MAP4K4: variants seen among roughly 807,000 people sequenced by gnomAD.
MAP4K4 encodes the protein HPK/GCK-like kinase HGK.
Under a neutral mutation model 189.6 loss-of-function variants are expected in MAP4K4, and 38 were observed. The observed-to-expected ratio is 0.20, with a 90% CI of 0.15 to 0.26. The LOEUF (loss-of-function observed/expected upper bound fraction) is 0.26. Among genes scored for constraint, MAP4K4 ranks in the 10% least tolerant of loss-of-function variants. The probability of loss-of-function intolerance (pLI) is 1.00; values close to 1 mark genes in which losing one functional copy is unlikely to be tolerated. For missense variants in MAP4K4, 1,054 were observed against 1,726.9 expected, an observed-to-expected ratio of 0.61 and a Z score of 6.91; for synonymous variants, 610 against 624.3, an observed-to-expected ratio of 0.98 and a Z score of 0.34.
intron 15 of MAP4K4, 91 bp downstream of exon 15, chr2:101,859,955 A>T: frequency 3.1e-6 from 4 of 1,277,804 alleles, no homozygotes; most frequent in Non-Finnish European, 4.4e-6. Context: ...AGAACGGGCC[A>T]TAGAGTTTAG....
chr2:101,845,149 A>G (rs2149604497), intron 12 of MAP4K4, among the ~76,000 whole-genome samples: 1 of 151,470 alleles, frequency 6.6e-6, no homozygotes, highest in Middle Eastern at 3.4e-3. Context: ...CTGTCAGAAA[A>G]TAAATTTTTA....
At chr2:101,753,642 A>G (rs944982089) in intron 2 of MAP4K4, among the ~76,000 whole-genome samples, 1 of 150,994 alleles carries the variant, frequency 6.6e-6, no homozygotes, top group Non-Finnish European at 1.5e-5. Context: ...CCTTTCAGAC[A>G]TTTTTGTCCG....
At chr2:101,885,127 T>A (rs72991249) in intron 28 of MAP4K4, 60 bp from the exon 29 acceptor site, 1 of 826,058 alleles carries the variant, frequency 1.2e-6, no homozygotes, top group Non-Finnish European at 1.9e-6. Flanking sequence ...TAAAACAGTT[T>A]AGAGGGCTAT....
At position 101,763,616 on chromosome 2, in the gene MAP4K4, A is replaced by G. The variant is rs552735210; in HGVS notation, c.124-27104A>G. 3.2e-4 allele frequency among the ~76,000 whole-genome samples: 48 copies of G among 152,218 alleles called. 1 individual carries two copies. The highest frequency in any genetic ancestry group is 1.2e-3 in the Admixed American group (18 of 15,290). Reference sequence around the variant, plus strand: ...AGCAAAAGGAAGTGTGAGTGAAGCAACAATTTCCAGAAGGTTTTAAATATG... The same window carrying G: ...AGCAAAAGGAAGTGTGAGTGAAGCAGCAATTTCCAGAAGGTTTTAAATATG... On this transcript the variant is annotated intron_variant, in intron 2 of 32. Coordinates refer to ENST00000324219, the Ensembl canonical transcript of MAP4K4.
intron 2 of MAP4K4, among the ~76,000 whole-genome samples, chr2:101,711,519 T>C (rs1431853473): frequency 1.3e-5 from 2 of 152,178 alleles, no homozygotes; most frequent in Non-Finnish European, 2.9e-5. Context: ...CCTCCCAAAG[T>C]GCTGGGATTA....
At chr2:101,864,951 C>T (rs1315825866) in exon 18 of MAP4K4, 9 of 1,574,988 alleles carry the variant, frequency 5.7e-6, no homozygotes, top group South Asian at 2.3e-5. Flanking sequence ...AACAACATCT[C>T]GCTCCCCTGT....
chr2:101,859,845 CT>C lies in MAP4K4; in HGVS notation c.1686del (p.Ala563LeufsTer140). The stretch of plus-strand genomic sequence containing the variant: ...CCCGAGCCCAAAGCCCACTACGAGC[CT>C]GCTGACCGAGCGCGAGAGGTATCCT... On this transcript the variant is annotated frameshift_variant, in exon 15 of 33. Transcript: ENST00000324219. LOFTEE classifies it high-confidence loss of function. 1 of 1,607,362 alleles carries C rather than the reference CT, an allele frequency of 6.2e-7. No homozygotes were observed. Among genetic ancestry groups the C allele is most frequent in the South Asian group, 1.1e-5 (1 of 89,400 alleles).
chr2:101,703,742 G>C (rs549302866), intron 2 of MAP4K4, among the ~76,000 whole-genome samples: 1 of 151,912 alleles, frequency 6.6e-6, no homozygotes, highest in Non-Finnish European at 1.5e-5. Context: ...GGCCGGGCAC[G>C]GTGGCTCACA....
Position 101,871,463 on chromosome 2 carries a change from A to G in MAP4K4, c.2761-31A>G, listed in dbSNP as rs1202950153. On this transcript the variant is annotated intron_variant, in intron 23 of 32. Transcript: ENST00000324219. ...CCATAGGCAATTTTAGCAGCGCTTG[A>G]GCGAGACAAGTGTGCCTGTTTTTTC... is the stretch of plus-strand genomic sequence containing the variant. The G allele has an allele frequency of 2.0e-6, 3 of 1,506,124 alleles. No individual in the cohort carries two copies. In the East Asian group the frequency reaches 7.4e-5, roughly 37 times the overall value. The allele number at this position is 1,506,124 out of a possible 1,614,324, so 93.3% of individuals were successfully genotyped here. A position where few individuals can be genotyped will look rare whatever the true frequency, so the allele number is the denominator to read the frequency against.
intron 2 of MAP4K4, among the ~76,000 whole-genome samples, chr2:101,746,669 A>T (rs2065751634): frequency 6.6e-6 from 1 of 152,200 alleles, no homozygotes; most frequent in African/African-American, 2.4e-5. Context: ...TATTGATTTA[A>T]GGAGATTTTA....
chr2:101,888,373 G>A (rs2098518043), intron 31 of MAP4K4, among the ~76,000 whole-genome samples: 1 of 152,138 alleles, frequency 6.6e-6, no homozygotes, highest in Non-Finnish European at 1.5e-5. Context: ...TTTGCATTCA[G>A]TAATAAAGAC....
exon 3 of MAP4K4, chr2:101,790,766 A>G (rs1471305706): frequency 6.2e-7 from 1 of 1,609,742 alleles, no homozygotes. Flanking sequence ...AAAGTTATGG[A>G]TGTCACTGAG....
chr2:101,802,946 C>G (rs1045542151), intron 3 of MAP4K4, among the ~76,000 whole-genome samples: 2 of 152,002 alleles, frequency 1.3e-5, no homozygotes, highest in African/African-American at 4.8e-5. Flanking sequence ...CCACCATGCC[C>G]AGCTAATTTT....
Position 101,859,752 on chromosome 2 carries a change from C to T in MAP4K4, c.1592C>T (p.Pro531Leu), listed in dbSNP as rs978627982. 167 of 1,611,172 alleles carry T rather than the reference C, an allele frequency of 1.0e-4. No individual in the cohort carries two copies. The highest frequency in any genetic ancestry group is 1.3e-4 in the Non-Finnish European group (153 of 1,178,966). The change falls in exon 15 of 33, where the codon CCG becomes CTG. Residue 531 changes from proline (P) to leucine (L), a missense_variant. Physicochemically the swap from Pro to Leu is moderately conservative, Grantham distance 98. Transcript: ENST00000324219. ...TCTCTACAGCATGACCATAGGAGGCCGCACCCGCAGCACTCGCAGCAGCCG... is the reference window on the plus strand; with the variant it reads ...TCTCTACAGCATGACCATAGGAGGCTGCACCCGCAGCACTCGCAGCAGCCG...
intron 3 of MAP4K4, among the ~76,000 whole-genome samples, chr2:101,793,676 AAAG>A (rs1454087356): frequency 6.6e-6 from 1 of 151,454 alleles, no homozygotes; most frequent in Non-Finnish European, 1.5e-5. Context: ...TCTTTAGGTG[AAAG>A]TGAGAGGCAG....
chr2:101,789,335 T>C (rs2092421518), intron 2 of MAP4K4, among the ~76,000 whole-genome samples: 1 of 152,184 alleles, frequency 6.6e-6, no homozygotes, highest in Admixed American at 6.5e-5. Context: ...ATAGGAGCTA[T>C]CATTAATTTA....
chr2:101,788,451 G>T (rs1048368081), intron 2 of MAP4K4, among the ~76,000 whole-genome samples: 3 of 152,216 alleles, frequency 2.0e-5, no homozygotes, highest in Admixed American at 2.0e-4. Context: ...TAGAGTGATG[G>T]GGTGATGGAC....
At chr2:101,865,772 C>T (rs2097791931) in intron 18 of MAP4K4, among the ~76,000 whole-genome samples, 2 of 152,228 alleles carry the variant, frequency 1.3e-5, no homozygotes, top group Non-Finnish European at 2.9e-5. Flanking sequence ...AGTTAGCCTT[C>T]TGCGCATGGA....
At chr2:101,882,220 C>T (rs1023245457) in intron 27 of MAP4K4, among the ~76,000 whole-genome samples, 6 of 152,202 alleles carry the variant, frequency 3.9e-5, no homozygotes, top group African/African-American at 1.4e-4. Context: ...CATCTTATTA[C>T]TGTTTTAACA....
Sources: gnomAD v4.1 joint callset for allele counts (sites outside exome capture counted in the v4.1 genomes callset) on GRCh38, gnomAD v4.1.1 for gene constraint, MANE v1.5 for transcripts, NCBI Gene and HGNC (gene_info 2026-07-23, HGNC 2026-07-21) for gene names.